TASOR2: variants seen among roughly 807,000 people sequenced by gnomAD.
The protein encoded by TASOR2 is transcription activation suppressor family member 2.
TASOR2 carries 84 observed loss-of-function variants against 199.5 expected under a neutral mutation model. The ratio of observed to expected loss-of-function variants is 0.42; its 90% confidence interval spans 0.35 to 0.50. The LOEUF is 0.50. TASOR2 is among the 20% of genes least tolerant of loss of function. The pLI, the probability that TASOR2 is intolerant of heterozygous loss-of-function variation, is 0.02. For synonymous variants in TASOR2, 1,103 were observed against 1,046.6 expected (o/e 1.05, Z -1.04); for missense variants, 2,796 against 2,835.9 (o/e 0.99, Z 0.32).
At chr10:5,736,254 A>C (rs908095733) in intron 12 of TASOR2, among the ~76,000 whole-genome samples, 1 of 152,032 alleles carries the variant, frequency 6.6e-6, no homozygotes, top group African/African-American at 2.4e-5. Flanking sequence ...CCCTGTCTCT[A>C]CTAAAAATAC....
At chr10:5,714,805 C>T (rs1021257983) in intron 2 of TASOR2, among the ~76,000 whole-genome samples, 1 of 152,072 alleles carries the variant, frequency 6.6e-6, no homozygotes. Context: ...GACAGTACTA[C>T]TTTTATGAGT....
chr10:5,687,144 A>G lies in TASOR2; in HGVS notation c.-288+1969A>G, dbSNP rs2131477769. 6.6e-6 allele frequency among the ~76,000 whole-genome samples: 1 copy of G among 152,350 alleles called. No individual in the cohort carries two copies. Among genetic ancestry groups the G allele is most frequent in the South Asian group, 2.1e-4 (1 of 4,828 alleles). Reference sequence around the variant, plus strand: ...GACAAAGCGTATCTGTGTAATAAATATGCTTTTTGTCAGTACATGTTAATG... The same window carrying G: ...GACAAAGCGTATCTGTGTAATAAATGTGCTTTTTGTCAGTACATGTTAATG... On this transcript the variant is annotated intron_variant, in intron 1 of 20. Coordinates refer to ENST00000328090, the Ensembl canonical transcript of TASOR2. This position sits in a 1 kb window ranked among gnomAD's most constrained non-coding sequence, Gnocchi z 4.8.
chr10:5,753,486 C>T (rs978958327), intron 15 of TASOR2, among the ~76,000 whole-genome samples: 2 of 152,150 alleles, frequency 1.3e-5, no homozygotes, highest in African/African-American at 4.8e-5. Context: ...CCTCTGCCTC[C>T]GGAGTAGCTG....
chr10:5,699,852 C>T lies in TASOR2; in HGVS notation c.-287-12971C>T, dbSNP rs1837583230. On this transcript the variant is annotated intron_variant, in intron 1 of 20. Coordinates refer to ENST00000328090, the Ensembl canonical transcript of TASOR2. This position sits in a 1 kb window ranked among gnomAD's most constrained non-coding sequence, Gnocchi z 4.1. ...TTTTTATTGATGCGTAATAGATGTA[C>T]ACAGTTTTAGGATACATGTGATAAT... 2 of 549,714 alleles carry T rather than the reference C, an allele frequency of 3.6e-6. No individual in the cohort carries two copies. The highest frequency in any genetic ancestry group is 4.6e-6 in the Non-Finnish European group (2 of 432,254). 34.1% of individuals were successfully genotyped at this position (549,714 alleles called of 1,614,324 possible).
At chr10:5,724,309 T>C (rs1833750005) in intron 7 of TASOR2, 121 bp from the exon 9 acceptor site, 2 of 428,078 alleles carry the variant, frequency 4.7e-6, no homozygotes, top group Admixed American at 9.7e-5. Context: ...CAGTAAATGA[T>C]AAAGGTTTCT....
rs766141053 is a variant in TASOR2, at chr10:5,740,076, G to A, written c.1906G>A (p.Glu636Lys). 2 of 1,613,914 alleles carry A rather than the reference G, an allele frequency of 1.2e-6. No homozygotes were observed. The highest frequency in any genetic ancestry group is 1.3e-5 in the African/African-American group (1 of 74,924). Residue 636 changes from glutamate to lysine, a missense_variant, in exon 13 of 21, where the codon GAG (glutamate) becomes AAG (lysine). Glu to Lys is a moderately conservative substitution (Grantham distance 56, BLOSUM62 1). This residue lies in a region of TASOR2 where 847 missense variants were observed against 887.4 expected (regional missense o/e 0.95). Coordinates refer to ENST00000328090, the Ensembl canonical transcript of TASOR2. This position sits in a 1 kb window ranked among gnomAD's most constrained non-coding sequence, Gnocchi z 5.3. ...TGCTAAAGCCCAGTCAGCACTTACT[G>A]AGGAAATGCTAGAATCTTCAGATGC... is the stretch of plus-strand genomic sequence containing the variant.
At chr10:5,709,251 A>AT (rs1300715593) in intron 1 of TASOR2, among the ~76,000 whole-genome samples, 1 of 151,916 alleles carries the variant, frequency 6.6e-6, no homozygotes, top group African/African-American at 2.4e-5. Context: ...ATTTTGAAAG[A>AT]TTTTTTTTCA....
chr10:5,712,670 C>A, intron 1 of TASOR2, 153 bp from the exon 2 acceptor site: 1 of 818,884 alleles, frequency 1.2e-6, no homozygotes, highest in Non-Finnish European at 1.6e-6. Flanking sequence ...TGGAAATAGT[C>A]ACTTGGAAGG....
intron 1 of TASOR2, among the ~76,000 whole-genome samples, chr10:5,704,386 A>G (rs1838307208): frequency 6.6e-6 from 1 of 152,094 alleles, no homozygotes; most frequent in Admixed American, 6.6e-5. Context: ...TTATTTCTGG[A>G]AAATTCCCCT....
At chr10:5,713,964 G>C in intron 2 of TASOR2, 171 bp from the exon 3 acceptor site, 1 of 363,804 alleles carries the variant, frequency 2.7e-6, no homozygotes, top group Non-Finnish European at 4.8e-6. Context: ...ATTTTGGGAG[G>C]CTGAGGTGGG....
At chr10:5,739,856 A>G in exon 13 of TASOR2, 1 of 1,614,208 alleles carries the variant, frequency 6.2e-7, no homozygotes, top group Non-Finnish European at 8.5e-7. Context: ...GTTCCTCTGA[A>G]TTGCCACAAA....
rs1295293750 is a variant in TASOR2, at chr10:5,730,463, T to C, written c.488-24T>C. On this transcript the variant is annotated intron_variant, in intron 10 of 20. Coordinates refer to ENST00000328090, the Ensembl canonical transcript of TASOR2. This position sits in a 1 kb window ranked among gnomAD's most constrained non-coding sequence, Gnocchi z 4.1. Reference sequence around the variant, plus strand: ...TTTTTAAAAAATAAACTTCAGATGTTTAATACGTGTGTATATATTCTAGGG... The same window carrying C: ...TTTTTAAAAAATAAACTTCAGATGTCTAATACGTGTGTATATATTCTAGGG... 3.4e-6 allele frequency: 5 copies of C among 1,477,112 alleles called. No homozygotes were observed. Among genetic ancestry groups the C allele is most frequent in the Non-Finnish European group, 4.5e-6 (5 of 1,102,494 alleles). 91.5% of individuals were successfully genotyped at this position (1,477,112 alleles called of 1,614,324 possible).
chr10:5,693,072 G>A (rs914009920), intron 1 of TASOR2, among the ~76,000 whole-genome samples: 2 of 152,194 alleles, frequency 1.3e-5, no homozygotes, highest in African/African-American at 4.8e-5. Context: ...GTCTAGTAAC[G>A]TTTTACCTTC....
intron 14 of TASOR2, among the ~76,000 whole-genome samples, chr10:5,743,638 C>A (rs1019075793): frequency 6.6e-6 from 1 of 152,070 alleles, no homozygotes. Flanking sequence ...ACATAAAATC[C>A]AGTTAAGAAT....
At chr10:5,753,954 T>A (rs2131642101) in intron 15 of TASOR2, among the ~76,000 whole-genome samples, 1 of 152,288 alleles carries the variant, frequency 6.6e-6, no homozygotes, top group Middle Eastern at 3.4e-3. Context: ...AGCATCTTGG[T>A]CACGTACACG....
chr10:5,691,480 T>TC (rs1248445326), intron 1 of TASOR2, among the ~76,000 whole-genome samples: 1 of 152,192 alleles, frequency 6.6e-6, no homozygotes, highest in African/African-American at 2.4e-5. Flanking sequence ...AAAAAAAGTT[T>TC]TTAAAAAAGG....
In TASOR2 at chr10:5,722,927, G is replaced by C. The variant is rs1416072918; in HGVS notation, c.147-750G>C. On this transcript the variant is annotated intron_variant, in intron 6 of 20. Transcript: ENST00000328090. The surrounding 1 kb of genome is among the most constrained non-coding windows in gnomAD (Gnocchi z 4.0). ...GGAGGCTGAGGCAGGGTAATCACTT[G>C]AACCCGGGAGTCAGAGGTTGCAGTG... 1.3e-5 allele frequency among the ~76,000 whole-genome samples: 2 copies of C among 150,796 alleles called. No individual in the cohort carries two copies. Among genetic ancestry groups the C allele is most frequent in the Non-Finnish European group, 3.0e-5 (2 of 67,752 alleles).
rs1205629368 is a variant in TASOR2, at chr10:5,710,973, T to A, written c.-287-1850T>A. The stretch of plus-strand genomic sequence containing the variant: ...AATGCAGCTAATAAAGCTTTAATTT[T>A]AACTCTTATAACTGGTGTTTTGCTA... On this transcript the variant is annotated intron_variant, in intron 1 of 20. Coordinates refer to ENST00000328090, the Ensembl canonical transcript of TASOR2. The surrounding 1 kb of genome is among the most constrained non-coding windows in gnomAD (Gnocchi z 4.6). Among the ~76,000 whole-genome samples the A allele has an allele frequency of 1.3e-5, 2 of 152,122 alleles. No individual in the cohort carries two copies. The highest frequency in any genetic ancestry group is 4.8e-5 in the African/African-American group (2 of 41,460).
At chr10:5,704,035 C>A (rs1838255933) in intron 1 of TASOR2, among the ~76,000 whole-genome samples, 1 of 151,724 alleles carries the variant, frequency 6.6e-6, no homozygotes, top group African/African-American at 2.4e-5. Context: ...ACCAGCCTGG[C>A]CAAGATGGTG....
Sources: allele counts gnomAD v4.1 joint callset (sites outside exome capture counted in the v4.1 genomes callset), GRCh38; gene constraint gnomAD v4.1.1; regional missense constraint gnomAD v4.1.1; non-coding constraint Gnocchi (gnomAD v3.1); transcripts MANE v1.5; gene names NCBI Gene and HGNC (gene_info 2026-07-23, HGNC 2026-07-21).